The following FNDC1 variants were observed in gnomAD, a reference collection of about 807,000 sequenced individuals.
FNDC1 encodes the protein fibronectin type III domain-containing protein 1.
FNDC1 carries 96 observed loss-of-function variants against 168.0 expected under a neutral mutation model. That is an observed-to-expected ratio of 0.57 (90% CI 0.48 to 0.68). FNDC1 has a LOEUF of 0.68. Ranked by LOEUF, FNDC1 falls within the 30% of genes least tolerant of loss-of-function variation. The probability of loss-of-function intolerance (pLI) is 0.00; values close to 1 mark genes in which losing one functional copy is unlikely to be tolerated. For synonymous variants in FNDC1, 1,099 were observed against 1,025.9 expected, an observed-to-expected ratio of 1.07 and a Z score of -1.36; for missense variants, 2,587 against 2,482.1, an observed-to-expected ratio of 1.04 and a Z score of -0.90.
chr6:159,197,353 CA>C, intron 1 of FNDC1, 77 bp from the exon 2 acceptor site: 1 of 1,318,328 alleles, frequency 7.6e-7, no homozygotes, highest in Non-Finnish European at 1.1e-6. Flanking sequence ...GTTTTCCTAA[CA>C]ATATCAAAGA....
At chr6:159,243,643 G>A (rs1783478201) in intron 14 of FNDC1, among the ~76,000 whole-genome samples, 1 of 152,110 alleles carries the variant, frequency 6.6e-6, no homozygotes, top group Admixed American at 6.6e-5. Context: ...TCACATTGGT[G>A]CTGAGTTGAC....
chr6:159,201,261 A>G (rs73021867), intron 4 of FNDC1, among the ~76,000 whole-genome samples: 27 of 152,352 alleles, frequency 1.8e-4, no homozygotes, highest in Non-Finnish European at 2.9e-4. Flanking sequence ...TTATTTTCAC[A>G]TGCCATGTGT....
At chr6:159,271,254 G>A in intron 22 of FNDC1, 73 bp from the exon 23 acceptor site, 2 of 960,594 alleles carry the variant, frequency 2.1e-6, no homozygotes. Context: ...GTCTGAAGGA[G>A]GCTGTAAGGA....
At chr6:159,255,495 T>C (rs146359420) in intron 17 of FNDC1, among the ~76,000 whole-genome samples, 14 of 152,326 alleles carry the variant, frequency 9.2e-5, no homozygotes, top group African/African-American at 3.1e-4. Flanking sequence ...TCATTCTGTT[T>C]CCCAGTGCAC....
intron 6 of FNDC1, among the ~76,000 whole-genome samples, chr6:159,222,222 A>G (rs1423208361): frequency 6.6e-6 from 1 of 152,236 alleles, no homozygotes; most frequent in Non-Finnish European, 1.5e-5. Context: ...TTCCTGATAC[A>G]TTAACAAATG....
chr6:159,188,666 C>T (rs1268101626), intron 1 of FNDC1, among the ~76,000 whole-genome samples: 1 of 151,996 alleles, frequency 6.6e-6, no homozygotes, highest in Non-Finnish European at 1.5e-5. Flanking sequence ...GCGTGAGCCA[C>T]TGCGCCCGGC....
intron 18 of FNDC1, among the ~76,000 whole-genome samples, chr6:159,258,966 T>C (rs1193817250): frequency 3.3e-5 from 5 of 152,210 alleles, no homozygotes; most frequent in Non-Finnish European, 5.9e-5. Context: ...TTATTTACAA[T>C]TGGATCTTGC....
intron 1 of FNDC1, among the ~76,000 whole-genome samples, chr6:159,174,350 G>C (rs964543915): frequency 2.6e-5 from 4 of 152,242 alleles, no homozygotes; most frequent in Non-Finnish European, 4.4e-5. Context: ...TGAGCACCCC[G>C]TTTTCCTCCC....
Position 159,267,810 on chromosome 6 carries a change from T to C in FNDC1, c.5453T>C (p.Phe1818Ser). 1.2e-6 allele frequency: 2 copies of C among 1,613,860 alleles called. No individual in the cohort carries two copies. Among genetic ancestry groups the C allele is most frequent in the Non-Finnish European group, 1.7e-6 (2 of 1,179,846 alleles). ...IYLSDNLKDT[F>S]YSIGDSWGRG... ...AATCAATTCCTTCATGCAGATACATTCTACAGCATTGGAGACAGCTGGGGA... is the reference window on the plus strand; with the variant it reads ...AATCAATTCCTTCATGCAGATACATCCTACAGCATTGGAGACAGCTGGGGA... The change falls in exon 22 of 23, where the codon TTC becomes TCC. Residue 1818 changes from phenylalanine to serine, a missense_variant. Physicochemically the swap from Phe to Ser is radical, Grantham distance 155. Transcript: ENST00000297267.
chr6:159,205,284 T>C (rs1384790083), intron 4 of FNDC1, among the ~76,000 whole-genome samples: 1 of 152,228 alleles, frequency 6.6e-6, no homozygotes, highest in Admixed American at 6.5e-5. Context: ...AGCTACAGAT[T>C]GATGGGACAT....
At chr6:159,204,891 C>A (rs1583869315) in intron 4 of FNDC1, among the ~76,000 whole-genome samples, 1 of 152,282 alleles carries the variant, frequency 6.6e-6, no homozygotes, top group South Asian at 2.1e-4. Context: ...ATTTCCTGGC[C>A]TGGGTTCCTT....
chr6:159,266,169 G>A lies in FNDC1; in HGVS notation c.5370G>A (p.Thr1790=), dbSNP rs775726183. The A allele has an allele frequency of 1.2e-5, 19 of 1,613,892 alleles. No homozygotes were observed. In the East Asian group the frequency reaches 2.0e-4, roughly 17 times the overall value. ...ATGGACGGCAATATGTGAAGCGCAC[G>A]TGGTATCGAAAGTTCGTGGGAGTTG... ...DCHGRQYVKR[T]WYRKFVGVVL... is the part of the protein sequence containing the mutation. Residue 1790 remains threonine, a synonymous_variant, in exon 21 of 23, where the codon ACG becomes ACA. Transcript: ENST00000297267.
chr6:159,206,876 C>A (rs1007423726), intron 4 of FNDC1, among the ~76,000 whole-genome samples: 2 of 152,228 alleles, frequency 1.3e-5, no homozygotes, highest in African/African-American at 4.8e-5. Flanking sequence ...CAAGGAAGTA[C>A]TGCCCCAGAA....
At chr6:159,226,974 A>G (rs1394168967) in intron 9 of FNDC1, among the ~76,000 whole-genome samples, 3 of 152,212 alleles carry the variant, frequency 2.0e-5, no homozygotes, top group Admixed American at 1.3e-4. Flanking sequence ...GGGACCATAA[A>G]TACATTTAAT....
At chr6:159,223,459 G>A in intron 6 of FNDC1, 69 bp from the exon 7 acceptor site, 1 of 900,166 alleles carries the variant, frequency 1.1e-6, no homozygotes. Context: ...AGCCTGTCAA[G>A]GACTGAGGAG....
chr6:159,252,716 A>G (rs1287046042), intron 17 of FNDC1, among the ~76,000 whole-genome samples: 1 of 152,258 alleles, frequency 6.6e-6, no homozygotes, highest in Non-Finnish European at 1.5e-5. Context: ...AAATCTTTTT[A>G]TTAATTGAAC....
At chr6:159,176,009 G>A (rs1312163499) in intron 1 of FNDC1, among the ~76,000 whole-genome samples, 9 of 152,186 alleles carry the variant, frequency 5.9e-5, no homozygotes, top group South Asian at 4.1e-4. Context: ...TGCTCACAGC[G>A]TTAAAGTGTC....
At chr6:159,269,283 T>A (rs1777670758) in intron 22 of FNDC1, among the ~76,000 whole-genome samples, 1 of 42,604 alleles carries the variant, frequency 2.3e-5, no homozygotes, top group Non-Finnish European at 1.0e-4. Flanking sequence ...TATCTATCTA[T>A]CTATCTATCC....
intron 4 of FNDC1, among the ~76,000 whole-genome samples, chr6:159,211,070 T>C (rs952693194): frequency 2.0e-5 from 3 of 152,084 alleles, no homozygotes; most frequent in Admixed American, 2.0e-4. Context: ...ACCCCCGGCG[T>C]GCAGATTGGT....
Sources: allele counts gnomAD v4.1 joint callset (sites outside exome capture counted in the v4.1 genomes callset), GRCh38; gene constraint gnomAD v4.1.1; transcripts MANE v1.5; gene names NCBI Gene and HGNC (gene_info 2026-07-23, HGNC 2026-07-21).